The following FCGR1A variants were observed in gnomAD, a reference collection of about 807,000 sequenced individuals.
FCGR1A encodes the protein high affinity immunoglobulin gamma Fc receptor I.
FCGR1A carries 13 observed loss-of-function variants against 35.0 expected under a neutral mutation model. The ratio of observed to expected loss-of-function variants is 0.37; its 90% CI spans 0.24 to 0.59. The LOEUF (loss-of-function observed/expected upper bound fraction) is 0.59. FCGR1A is among the 20% of genes least tolerant of loss of function. The pLI is 0.71. For synonymous variants in FCGR1A, 91 were observed against 164.7 expected (o/e 0.55, Z 3.43); for missense variants, 227 against 430.0 (o/e 0.53, Z 4.17).
chr1:149,797,831 A>G, the FCGR1A span, among the ~76,000 whole-genome samples: 6 of 152,194 alleles, frequency 3.9e-5, no homozygotes, highest in Non-Finnish European at 8.8e-5. Flanking sequence ...TTCCAGAGGC[A>G]ATAATTGGGA....
At position 149,790,203 on chromosome 1, in the gene FCGR1A, C is replaced by T. The variant is rs782164774; in HGVS notation, c.709C>T (p.Arg237Ter). 175 of 1,613,730 alleles carry T rather than the reference C, an allele frequency of 1.1e-4. No homozygotes were observed. The highest frequency in any genetic ancestry group is 1.8e-4 in the Admixed American group (11 of 59,958). ...CTTCTACATGGGCAGCAAGACCCTG[C>T]GAGGCAGGAACACATCCTCTGAATA... Reference protein sequence around the residue: ...FSFYMGSKTLRGRNTSSEYQI... With the variant: ...FSFYMGSKTL Residue 237 changes from arginine (R) to a stop codon, truncating the protein, a stop_gained, in exon 5 of 6, where the codon CGA becomes TGA. Coordinates refer to ENST00000369168, the MANE Select transcript of FCGR1A (RefSeq NM_000566.4). LOFTEE classifies it high-confidence loss of function.
rs587673098 is a variant in FCGR1A at position 149,791,509 on chromosome 1, G to T, written c.1117G>T (p.Ala373Ser). ...EGVHRKEPQG[A>S]T is the part of the protein sequence containing the mutation. ...GGTGCACCGGAAGGAGCCCCAGGGG[G>T]CCACGTAGCAGCGGCTCAGTGGGTG... Residue 373 changes from alanine to serine, a missense_variant, in exon 6 of 6, where the codon GCC becomes TCC. By Grantham distance (99) the Ala-to-Ser change is moderately conservative (BLOSUM62 1). This residue lies in a region of FCGR1A where 39 missense variants were observed against 101.3 expected (regional missense o/e 0.38). Transcript: ENST00000369168. 1.9e-6 allele frequency: 3 copies of T among 1,610,060 alleles called. No homozygotes were observed. In the African/African-American group the frequency reaches 4.0e-5, roughly 22 times the overall value.
chr1:149,795,275 TAAATAAATA>T (rs2091787579), downstream of FCGR1A, among the ~76,000 whole-genome samples: 1 of 141,844 alleles, frequency 7.1e-6, no homozygotes, highest in Non-Finnish European at 1.5e-5. Flanking sequence ...AATAAATAAA[TAAATAAATA>T]AATAAATAAA....
downstream of FCGR1A, chr1:149,792,602 GC>G (rs1458235551): frequency 3.3e-6 from 4 of 1,206,450 alleles, no homozygotes; most frequent in Admixed American, 3.3e-5. Flanking sequence ...CCCGCGGCGG[GC>G]CCCTGGCGCC....
At chr1:149,800,399 G>A in the FCGR1A span, among the ~76,000 whole-genome samples, 8 of 150,232 alleles carry the variant, frequency 5.3e-5, no homozygotes, top group Non-Finnish European at 8.9e-5. Context: ...TCCCCTCCCC[G>A]GAAGTTGGAG....
intron 3 of FCGR1A, among the ~76,000 whole-genome samples, chr1:149,784,528 C>A (rs1553750590): frequency 6.6e-6 from 1 of 151,884 alleles, no homozygotes; most frequent in Middle Eastern, 3.2e-3. Flanking sequence ...CAAATGTATG[C>A]CTGTACATAG....
chr1:149,797,514 T>G, the FCGR1A span, among the ~76,000 whole-genome samples: 1 of 152,224 alleles, frequency 6.6e-6, no homozygotes, highest in Admixed American at 6.5e-5. Context: ...TTTGGTGGAA[T>G]AGGAAGGTAT....
At chr1:149,799,749 A>T in the FCGR1A span, among the ~76,000 whole-genome samples, 6 of 152,100 alleles carry the variant, frequency 3.9e-5, no homozygotes, top group African/African-American at 1.4e-4. Flanking sequence ...TCATCTCTGC[A>T]TGCATCTTTT....
At chr1:149,791,861 AACAG>A (rs1290003752), downstream of FCGR1A, 18 of 282,886 alleles carry the variant, frequency 6.4e-5, no homozygotes, top group African/African-American at 2.7e-4. Flanking sequence ...AAGACAGAGA[AACAG>A]ACAGAAAGAG....
downstream of FCGR1A, chr1:149,792,671 C>A (rs183784240): frequency 1.6e-3 from 2,081 of 1,278,746 alleles, 179 homozygotes; most frequent in African/African-American, 0.03. Context: ...GCCGCAGCCG[C>A]CAGCGCCCGG....
At chr1:149,790,595 CCTT>C (rs201539224) in intron 5 of FCGR1A, among the ~76,000 whole-genome samples, 1,771 of 150,906 alleles carry the variant, frequency 0.012, 30 homozygotes, top group African/African-American at 0.04. Context: ...TCTCCTCTGT[CCTT>C]CTTTTTTTCT....
chr1:149,792,920 G>T, downstream of FCGR1A: 1 of 1,268,836 alleles, frequency 7.9e-7, no homozygotes, highest in South Asian at 1.3e-5. Flanking sequence ...TTGTTTCCTC[G>T]GGGCCGGCAG....
In FCGR1A at chr1:149,791,341, C is replaced by T; in HGVS notation, c.949C>T (p.Leu317=). Reference sequence around the variant, plus strand: ...TCTCTGGGTGACAATACGTAAAGAACTGAAAAGAAAGAAAAAGTGGGATTT... The same window carrying T: ...TCTCTGGGTGACAATACGTAAAGAATTGAAAAGAAAGAAAAAGTGGGATTT... ...TVLWVTIRKE[L]KRKKKWDLEI... The change falls in exon 6 of 6, where the codon CTG becomes TTG. Residue 317 remains leucine (L), a synonymous_variant. Coordinates refer to ENST00000369168, the MANE Select transcript of FCGR1A (RefSeq NM_000566.4). The T allele has an allele frequency of 6.3e-7, 1 of 1,584,554 alleles. No homozygotes were observed. The highest frequency in any genetic ancestry group is 8.6e-7 in the Non-Finnish European group (1 of 1,163,248).
intron 3 of FCGR1A, chr1:149,786,994 A>C (rs1553750912): frequency 6.6e-6 from 1 of 152,210 alleles, no homozygotes; most frequent in Non-Finnish European, 1.5e-5. Flanking sequence ...CCACAAAATC[A>C]AGCCTATTAA....
At chr1:149,798,167 TAAG>T in the FCGR1A span, among the ~76,000 whole-genome samples, 3 of 143,840 alleles carry the variant, frequency 2.1e-5, no homozygotes, top group African/African-American at 7.9e-5. Flanking sequence ...GAGTACAACT[TAAG>T]GAGGGCATGT....
chr1:149,790,568 ATT>A (rs1553751666), intron 5 of FCGR1A, among the ~76,000 whole-genome samples: 1 of 145,820 alleles, frequency 6.9e-6, no homozygotes, highest in Admixed American at 6.8e-5. Flanking sequence ...TCCTTCCTCC[ATT>A]TCTTTCCTTC....
At position 149,788,793 on chromosome 1, in the gene FCGR1A, G is replaced by A. The variant is rs587634004; in HGVS notation, c.559+176G>A. 3.2e-3 allele frequency among the ~76,000 whole-genome samples: 482 copies of A among 152,154 alleles called. 1 individual carries two copies. Among genetic ancestry groups the A allele is most frequent in the African/African-American group, 0.011 (463 of 41,490 alleles). Reference sequence around the variant, plus strand: ...CTGGAACCAGAACTGAGGTCTCTGGGTCCTAGTCCAATACTCTTTCCAGTG... The same window carrying A: ...CTGGAACCAGAACTGAGGTCTCTGGATCCTAGTCCAATACTCTTTCCAGTG... On this transcript the variant is annotated intron_variant, in intron 4 of 5. Transcript: ENST00000369168.
downstream of FCGR1A, chr1:149,792,994 C>G: frequency 7.8e-7 from 1 of 1,275,236 alleles, no homozygotes; most frequent in Non-Finnish European, 1.0e-6. Flanking sequence ...CCTCCCCAGG[C>G]GCGTAGCTGA....
the FCGR1A span, among the ~76,000 whole-genome samples, chr1:149,799,599 G>A: frequency 6.6e-6 from 1 of 152,014 alleles, no homozygotes; most frequent in African/African-American, 2.4e-5. Flanking sequence ...ATTGTGCAGT[G>A]CACAATCAGC....
Sources: allele counts gnomAD v4.1 joint callset (sites outside exome capture counted in the v4.1 genomes callset), GRCh38; gene constraint gnomAD v4.1.1; regional missense constraint gnomAD v4.1.1; transcripts MANE v1.5; gene names NCBI Gene and HGNC (gene_info 2026-07-23, HGNC 2026-07-21).